The following IPMK variants were observed in gnomAD, a reference collection of about 807,000 sequenced individuals.
IPMK encodes the protein inositol 1,3,4,6-tetrakisphosphate 5-kinase.
IPMK carries 17 observed loss-of-function variants against 45.8 expected under a neutral mutation model. That is an observed-to-expected ratio of 0.37 (90% CI 0.25 to 0.56). IPMK has a LOEUF of 0.56. Ranked by LOEUF, IPMK falls within the 20% of genes least tolerant of loss-of-function variation. The pLI is 0.79. For synonymous variants in IPMK, 180 were observed against 184.3 expected (o/e 0.98, Z 0.19); for missense variants, 399 against 498.0 (o/e 0.80, Z 1.89).
At chr10:58,204,750 A>T (rs921585744) in intron 4 of IPMK, among the ~76,000 whole-genome samples, 5 of 152,168 alleles carry the variant, frequency 3.3e-5, no homozygotes, top group Admixed American at 2.6e-4. Context: ...AGACACGATC[A>T]CGCTACTGCA....
intron 3 of IPMK, among the ~76,000 whole-genome samples, chr10:58,219,299 C>T (rs1018574806): frequency 6.6e-6 from 1 of 152,132 alleles, no homozygotes; most frequent in Non-Finnish European, 1.5e-5. Context: ...ATGCAGAATT[C>T]TTATGAAAGA....
chr10:58,224,098 G>T (rs1355509139), intron 3 of IPMK, among the ~76,000 whole-genome samples: 2 of 152,166 alleles, frequency 1.3e-5, no homozygotes, highest in South Asian at 2.1e-4. Flanking sequence ...AAAGCAGAAA[G>T]AATAATAAGT....
chr10:58,209,129 C>A (rs1214154517), intron 4 of IPMK, among the ~76,000 whole-genome samples: 1 of 152,206 alleles, frequency 6.6e-6, no homozygotes. Context: ...AGGCCTGAAT[C>A]TGGGGGGTGC....
intron 3 of IPMK, among the ~76,000 whole-genome samples, chr10:58,223,907 T>C (rs963870177): frequency 1.3e-5 from 2 of 152,294 alleles, no homozygotes; most frequent in Non-Finnish European, 2.9e-5. Flanking sequence ...CCTTCCACCA[T>C]GATTTTAAGT....
rs78284719 is a variant in IPMK at position 58,207,636 on chromosome 10, C to T, written c.547-8315G>A. ...CCCATCGAGTGCTGTCAGTGGAGTA[C>T]TGAAGTGCCCCACTATTATTGTGTG... On this transcript the variant is annotated intron_variant, in intron 4 of 5. Transcript: ENST00000373935. Among the ~76,000 whole-genome samples, 1,202 of 152,226 alleles carry T rather than the reference C, an allele frequency of 7.9e-3. 18 individuals are homozygous for T. The highest frequency in any genetic ancestry group is 0.025 in the African/African-American group (1,046 of 41,536).
intron 1 of IPMK, among the ~76,000 whole-genome samples, chr10:58,242,340 G>A (rs1422205801): frequency 6.6e-6 from 1 of 151,876 alleles, no homozygotes; most frequent in Admixed American, 6.6e-5. Flanking sequence ...GACGCCTGTA[G>A]TCTCAGCTAC....
intron 3 of IPMK, among the ~76,000 whole-genome samples, chr10:58,226,440 C>A (rs1838416621): frequency 6.6e-6 from 1 of 152,150 alleles, no homozygotes; most frequent in African/African-American, 2.4e-5. Context: ...AGTTTGAAGC[C>A]CTTTCCCCTC....
chr10:58,237,497 GAGA>G, intron 2 of IPMK, among the ~76,000 whole-genome samples: 1 of 152,128 alleles, frequency 6.6e-6, no homozygotes, highest in Non-Finnish European at 1.5e-5. Context: ...TCCTTAACCT[GAGA>G]AGAAGTATCT....
chr10:58,244,432 C>CGGT (rs1838760896), intron 1 of IPMK, among the ~76,000 whole-genome samples: 1 of 147,440 alleles, frequency 6.8e-6, no homozygotes, highest in East Asian at 2.1e-4. Flanking sequence ...CCCAGCCACC[C>CGGT]CGTCTGGGAG....
chr10:58,193,319 G>A lies in IPMK; in HGVS notation c.*2757C>T, dbSNP rs780404311. The A allele has an allele frequency of 3.3e-5, 5 of 151,846 alleles. No homozygotes were observed. The highest frequency in any genetic ancestry group is 5.9e-5 in the Non-Finnish European group (4 of 67,802). The allele number at this position is 151,846 out of a possible 1,614,324, so 9.4% of individuals were successfully genotyped here. ...TTAAACAGTTTAGAGCCCCATAAGAGCAAACTGTAGTGTAAAGAGGAAAAG... is the reference window on the plus strand; with the variant it reads ...TTAAACAGTTTAGAGCCCCATAAGAACAAACTGTAGTGTAAAGAGGAAAAG... On this transcript the variant is annotated 3_prime_UTR_variant, in exon 6 of 6. Coordinates refer to ENST00000373935, the MANE Select transcript of IPMK (RefSeq NM_152230.5).
chr10:58,229,550 G>A (rs1351266946), intron 2 of IPMK, among the ~76,000 whole-genome samples: 18 of 113,602 alleles, frequency 1.6e-4, no homozygotes, highest in African/African-American at 6.2e-4. Flanking sequence ...GCAACAGAGC[G>A]AGACCACGTC....
chr10:58,252,432 G>A (rs1838894387), intron 1 of IPMK, among the ~76,000 whole-genome samples: 1 of 118,800 alleles, frequency 8.4e-6, no homozygotes, highest in Non-Finnish European at 1.6e-5. Context: ...TTCTGAATTT[G>A]ACTGTTTTTT....
rs1175091645 is a variant in IPMK, at chr10:58,267,690, G to A, written c.-79C>T. On this transcript the variant is annotated 5_prime_UTR_variant, in exon 1 of 6. Coordinates refer to ENST00000373935, the MANE Select transcript of IPMK (RefSeq NM_152230.5). The stretch of plus-strand genomic sequence containing the variant: ...GGGAGGGGGCGCCGGAGAACCCGAG[G>A]GTCGCTCAGGCTCGGGCGCGAGGAG... The A allele has an allele frequency of 3.3e-6, 3 of 902,040 alleles. No individual in the cohort carries two copies. Among genetic ancestry groups the A allele is most frequent in the Non-Finnish European group, 5.3e-6 (3 of 568,676 alleles). 55.9% of individuals were successfully genotyped at this position (902,040 alleles called of 1,614,324 possible).
chr10:58,239,795 T>C (rs1838669294), intron 1 of IPMK, among the ~76,000 whole-genome samples: 1 of 151,940 alleles, frequency 6.6e-6, no homozygotes, highest in African/African-American at 2.4e-5. Context: ...GCTCAAAAAC[T>C]GTCAAGATAA....
intron 3 of IPMK, among the ~76,000 whole-genome samples, 171 bp from the exon 4 acceptor site, chr10:58,216,488 T>G (rs1340511787): frequency 1.3e-5 from 2 of 151,658 alleles, no homozygotes; most frequent in Non-Finnish European, 2.9e-5. Context: ...AACAACAAAT[T>G]TATAACAAGT....
chr10:58,262,932 GA>G (rs111720762), intron 1 of IPMK, among the ~76,000 whole-genome samples: 51,480 of 151,906 alleles, frequency 0.34, 10,984 homozygotes, highest in African/African-American at 0.61. Flanking sequence ...AGAATGGGGG[GA>G]AAAAATCACA....
intron 1 of IPMK, among the ~76,000 whole-genome samples, chr10:58,248,457 C>T (rs192088731): frequency 0.061 from 9,230 of 152,118 alleles, 326 homozygotes; most frequent in African/African-American, 0.087. Flanking sequence ...TGTGTGTGCA[C>T]ATATATTTAT....
At chr10:58,226,297 G>C (rs1838414738) in intron 3 of IPMK, among the ~76,000 whole-genome samples, 1 of 152,286 alleles carries the variant, frequency 6.6e-6, no homozygotes, top group African/African-American at 2.4e-5. Context: ...ATCCACATCA[G>C]AAACACCCAT....
At chr10:58,206,825 G>A (rs1373755783) in intron 4 of IPMK, among the ~76,000 whole-genome samples, 1 of 151,992 alleles carries the variant, frequency 6.6e-6, no homozygotes, top group African/African-American at 2.4e-5. Context: ...TCATTCTTAT[G>A]CTTTTGCATC....
Sources: allele counts gnomAD v4.1 joint callset (sites outside exome capture counted in the v4.1 genomes callset), GRCh38; gene constraint gnomAD v4.1.1; transcripts MANE v1.5; gene names NCBI Gene and HGNC (gene_info 2026-07-23, HGNC 2026-07-21).